Variants in GUCY1A2 observed in about 807,000 individuals in gnomAD.
The protein encoded by GUCY1A2 is guanylate cyclase 1 soluble subunit alpha 2.
A neutral mutation model predicts 63.5 loss-of-function variants in GUCY1A2; 27 were observed. The ratio of observed to expected loss-of-function variants is 0.43; its 90% CI spans 0.31 to 0.59. GUCY1A2 has a LOEUF of 0.59. Ranked by LOEUF, GUCY1A2 falls within the 20% of genes least tolerant of loss-of-function variation. The pLI is 0.11. For missense variants in GUCY1A2, 768 were observed against 913.3 expected, an observed-to-expected ratio of 0.84 and a Z score of 2.05; for synonymous variants, 364 against 343.5, an observed-to-expected ratio of 1.06 and a Z score of -0.66.
chr11:106,883,677 C>T (rs1225667259), intron 4 of GUCY1A2, among the ~76,000 whole-genome samples: 1 of 151,718 alleles, frequency 6.6e-6, no homozygotes, highest in East Asian at 1.9e-4. Context: ...ACAAATATAC[C>T]TTCAGAAAAT....
intron 4 of GUCY1A2, among the ~76,000 whole-genome samples, chr11:106,862,478 CTG>C (rs1174846810): frequency 1.4e-5 from 1 of 71,010 alleles, no homozygotes; most frequent in African/African-American, 5.5e-5. Flanking sequence ...TTATTTAACT[CTG>C]TAAAAAACAA....
chr11:106,951,924 GA>G (rs1860915111), intron 3 of GUCY1A2, among the ~76,000 whole-genome samples: 1 of 152,208 alleles, frequency 6.6e-6, no homozygotes, highest in Admixed American at 6.5e-5. Context: ...TAAGGTGTAA[GA>G]AAGGGGTCTA....
chr11:106,893,396 T>G lies in GUCY1A2; in HGVS notation c.1206+46064A>C, dbSNP rs531283192. Among the ~76,000 whole-genome samples the G allele has an allele frequency of 7.2e-5, 11 of 152,250 alleles. No individual in the cohort carries two copies. The South Asian group carries it at 2.3e-3, about 32-fold the overall frequency. On this transcript the variant is annotated intron_variant, in intron 4 of 7. Coordinates refer to ENST00000526355, the MANE Select transcript of GUCY1A2 (RefSeq NM_000855.3). Reference sequence around the variant, plus strand: ...AATAATTTAGTCTTTAAAAAAAAACTTAAAGGATTGGGGAAATAAATAATC... The same window carrying G: ...AATAATTTAGTCTTTAAAAAAAAACGTAAAGGATTGGGGAAATAAATAATC...
At chr11:106,896,008 CA>C (rs780891598) in intron 4 of GUCY1A2, among the ~76,000 whole-genome samples, 20,223 of 113,402 alleles carry the variant, frequency 0.18, 1,587 homozygotes, top group South Asian at 0.29. Context: ...GACTCTGTCT[CA>C]AAAAAAAAAA....
chr11:106,777,233 G>A (rs1022484198), intron 5 of GUCY1A2, among the ~76,000 whole-genome samples: 2 of 152,010 alleles, frequency 1.3e-5, no homozygotes, highest in South Asian at 2.1e-4. Context: ...AGCGGATCAC[G>A]AGGTCAGCAT....
chr11:106,748,794 C>T (rs1233621919), intron 6 of GUCY1A2, among the ~76,000 whole-genome samples: 1 of 150,694 alleles, frequency 6.6e-6, no homozygotes, highest in African/African-American at 2.4e-5. Context: ...GTTTTCCAAA[C>T]CATGGATTTA....
intron 6 of GUCY1A2, among the ~76,000 whole-genome samples, chr11:106,776,192 G>A (rs1359050109): frequency 2.0e-5 from 3 of 152,002 alleles, no homozygotes; most frequent in East Asian, 3.9e-4. Context: ...CTTCCCTTGG[G>A]TCTAATCTTT....
At chr11:106,765,721 C>T (rs991548558) in intron 6 of GUCY1A2, among the ~76,000 whole-genome samples, 2 of 152,082 alleles carry the variant, frequency 1.3e-5, no homozygotes, top group African/African-American at 4.8e-5. Context: ...ATTTGACCAT[C>T]AAAATTACTC....
chr11:106,825,051 T>C (rs1028914633), intron 4 of GUCY1A2: 20 of 1,102,238 alleles, frequency 1.8e-5, no homozygotes, highest in Middle Eastern at 4.9e-4. Flanking sequence ...AAGAATTTCA[T>C]AGATATTTTA....
At chr11:106,976,646 G>A (rs1322612525) in intron 3 of GUCY1A2, among the ~76,000 whole-genome samples, 1 of 152,108 alleles carries the variant, frequency 6.6e-6, no homozygotes, top group African/African-American at 2.4e-5. Context: ...TTAATCTTCA[G>A]AAATTTAAAC....
intron 3 of GUCY1A2, among the ~76,000 whole-genome samples, chr11:106,945,402 AAACAAAAAAACAC>A (rs1839820067): frequency 3.7e-5 from 1 of 26,832 alleles, no homozygotes; most frequent in African/African-American, 1.7e-4. Flanking sequence ...AAAAAAAACA[AAACAAAAAAACAC>A]ATTAATCGAT....
chr11:106,949,929 T>C (rs1025196595), intron 3 of GUCY1A2, among the ~76,000 whole-genome samples: 2 of 152,196 alleles, frequency 1.3e-5, no homozygotes, highest in Admixed American at 6.5e-5. Context: ...CAAATACATC[T>C]GGATGTGACT....
intron 7 of GUCY1A2, among the ~76,000 whole-genome samples, chr11:106,691,534 C>T (rs1166268640): frequency 1.3e-5 from 2 of 152,098 alleles, no homozygotes; most frequent in Non-Finnish European, 2.9e-5. Context: ...GATTTTTCAA[C>T]CCAAAACAAA....
intron 4 of GUCY1A2, among the ~76,000 whole-genome samples, chr11:106,901,895 A>G (rs911939733): frequency 1.1e-4 from 16 of 152,078 alleles, no homozygotes; most frequent in African/African-American, 3.1e-4. Context: ...ACTGACGGAC[A>G]TTTTGGTTGG....
chr11:106,687,195 G>A lies in GUCY1A2; in HGVS notation c.*354C>T. 4.0e-6 allele frequency: 1 copy of A among 249,738 alleles called. No homozygotes were observed. Among genetic ancestry groups the A allele is most frequent in the Non-Finnish European group, 7.8e-6 (1 of 128,770 alleles). The allele number at this position is 249,738 out of a possible 1,614,324, so 15.5% of individuals were successfully genotyped here. ...ATATAATCAAAACTGGCTCTCAAAA[G>A]TGGTACAAATATATAGGGAAAGATA... On this transcript the variant is annotated 3_prime_UTR_variant, in exon 8 of 8. Transcript: ENST00000526355.
chr11:106,775,688 GCCCGCCCC>G (rs910276636), intron 6 of GUCY1A2, among the ~76,000 whole-genome samples: 6 of 119,574 alleles, frequency 5.0e-5, no homozygotes, highest in South Asian at 2.6e-4. Context: ...CATTTCCTGT[GCCCGCCCC>G]CCCGCCCCCG....
chr11:106,674,754 A>T lies in GUCY1A2; in HGVS notation c.*12795T>A. 1 of 207,046 alleles carries T rather than the reference A, an allele frequency of 4.8e-6. No homozygotes were observed. Among genetic ancestry groups the T allele is most frequent in the East Asian group, 7.3e-5 (1 of 13,714 alleles). 12.8% of individuals were successfully genotyped at this position (207,046 alleles called of 1,614,324 possible). A position where few individuals can be genotyped will look rare whatever the true frequency, so the allele number is the denominator to read the frequency against. On this transcript the variant is annotated 3_prime_UTR_variant, in exon 8 of 8. Transcript: ENST00000526355. ...GATATACAATATGATTTACATTGCAAACCAAACCAAAAATTTAGACCCATG... is the reference window on the plus strand; with the variant it reads ...GATATACAATATGATTTACATTGCATACCAAACCAAAAATTTAGACCCATG...
intron 4 of GUCY1A2, among the ~76,000 whole-genome samples, chr11:106,855,878 T>C (rs937333182): frequency 2.1e-5 from 3 of 140,182 alleles, no homozygotes; most frequent in Non-Finnish European, 4.7e-5. Flanking sequence ...GTTTTATCTG[T>C]TTGGGTCTCT....
intron 2 of GUCY1A2, among the ~76,000 whole-genome samples, chr11:106,981,399 T>C (rs576091319): frequency 6.7e-6 from 1 of 149,870 alleles, no homozygotes; most frequent in Non-Finnish European, 1.5e-5. Context: ...TAGATGACTA[T>C]AAGAATTGGT....
Sources: gnomAD v4.1 joint callset for allele counts (sites outside exome capture counted in the v4.1 genomes callset) on GRCh38, gnomAD v4.1.1 for gene constraint, MANE v1.5 for transcripts, NCBI Gene and HGNC (gene_info 2026-07-23, HGNC 2026-07-21) for gene names.